RTL9: variants seen among roughly 807,000 people sequenced by gnomAD.
RTL9 encodes retrotransposon Gag-like protein 9.
In RTL9, 19 loss-of-function variants were observed where a neutral mutation model predicts 44.7. The observed-to-expected ratio is 0.42, with a 90% CI of 0.30 to 0.62. The LOEUF is 0.62. Ranked by LOEUF, RTL9 falls within the 20% of genes least tolerant of loss-of-function variation. The pLI is 0.16. For missense variants in RTL9, 1,105 were observed against 1,080.6 expected (o/e 1.02, Z -0.32); for synonymous variants, 407 against 398.9 (o/e 1.02, Z -0.24).
At chrX:110,398,579 G>C (rs1271837439) in intron 1 of RTL9, among the ~76,000 whole-genome samples, 2 of 112,177 alleles carry the variant, frequency 1.8e-5, no homozygotes, top group Non-Finnish European at 3.8e-5. Flanking sequence ...CTGGGGCTCA[G>C]AGAGGTTAGT....
At chrX:110,424,059 C>G (rs892295556) in intron 1 of RTL9, among the ~76,000 whole-genome samples, 1 of 111,612 alleles carries the variant, frequency 9.0e-6, no homozygotes, top group Non-Finnish European at 1.9e-5. Flanking sequence ...TTATTTCATC[C>G]TCACCACAAA....
At chrX:110,390,257 G>T (rs1367184273) in intron 1 of RTL9, among the ~76,000 whole-genome samples, 2 of 111,898 alleles carry the variant, frequency 1.8e-5, no homozygotes, top group Non-Finnish European at 3.8e-5. Context: ...GATCCATGAT[G>T]AAATCATATT....
intron 1 of RTL9, among the ~76,000 whole-genome samples, chrX:110,409,087 G>T (rs772261523): frequency 8.9e-6 from 1 of 111,757 alleles, no homozygotes; most frequent in African/African-American, 3.2e-5. Context: ...TAACTGAGGT[G>T]CTTATAAATA....
chrX:110,453,121 C>T (rs753947038), exon 1 of RTL9: 1 of 1,211,436 alleles, frequency 8.3e-7, no homozygotes, highest in South Asian at 1.8e-5. Context: ...TCATCCATGC[C>T]ACAAGTGAAG....
chrX:110,377,354 G>C lies in RTL9; in HGVS notation c.-168+18438G>C, dbSNP rs193209854. 5.3e-3 allele frequency among the ~76,000 whole-genome samples: 592 copies of C among 111,649 alleles called. 3 individuals are homozygous for C. The highest frequency in any genetic ancestry group is 0.018 in the African/African-American group (557 of 30,711). The stretch of plus-strand genomic sequence containing the variant: ...AAAATTCCGTGAAATGGCCAGAATA[G>C]CGAAACACCGATACCTACAGTCTTC... On this transcript the variant is annotated intron_variant, in intron 1 of 2. Coordinates refer to the RTL9 transcript ENST00000520821.
At chrX:110,415,061 G>A (rs2068667702), upstream of RTL9, among the ~76,000 whole-genome samples, 1 of 111,966 alleles carries the variant, frequency 8.9e-6, no homozygotes, top group South Asian at 3.8e-4. Context: ...GTTTATCCCA[G>A]TGTGTTATAA....
At chrX:110,360,269 A>G (rs1405193298) in intron 1 of RTL9, among the ~76,000 whole-genome samples, 13 of 112,067 alleles carry the variant, frequency 1.2e-4, no homozygotes, top group Non-Finnish European at 1.9e-4. Context: ...GCCATAGTAG[A>G]TACCATTGGA....
chrX:110,377,659 A>G (rs752052850), intron 1 of RTL9, among the ~76,000 whole-genome samples: 1 of 111,521 alleles, frequency 9.0e-6, no homozygotes, highest in African/African-American at 3.3e-5. Context: ...GGCTGCTATC[A>G]TAACTTCTGT....
chrX:110,451,506 C>T, exon 1 of RTL9: 2 of 1,212,009 alleles, frequency 1.7e-6, no homozygotes, highest in Non-Finnish European at 2.2e-6. Flanking sequence ...AATACCTACC[C>T]CGCTCATGTC....
rs926055208 is a variant in RTL9, at chrX:110,362,643, T to C, written c.-168+3727T>C. 2.7e-5 allele frequency among the ~76,000 whole-genome samples: 3 copies of C among 111,994 alleles called. No individual in the cohort carries two copies. The Admixed American group carries it at 2.9e-4, about 11-fold the overall frequency. ...TTCAGCTTTCATGTACTCCTAATGG[T>C]AAGAATCACATGGTAGGAAATATGA... On this transcript the variant is annotated intron_variant, in intron 1 of 2. Transcript: ENST00000520821.
intron 1 of RTL9, among the ~76,000 whole-genome samples, chrX:110,367,455 C>T (rs1431040596): frequency 9.1e-6 from 1 of 110,054 alleles, no homozygotes; most frequent in Non-Finnish European, 1.9e-5. Context: ...CTTTTTTTTT[C>T]GCCCAACAGC....
At chrX:110,425,973 C>T (rs1017896093) in intron 1 of RTL9, among the ~76,000 whole-genome samples, 4 of 110,379 alleles carry the variant, frequency 3.6e-5, no homozygotes, top group Non-Finnish European at 7.5e-5. Flanking sequence ...TTAGTGCGTG[C>T]GTGCGCGCAC....
At chrX:110,443,173 G>T (rs2068891859) in intron 1 of RTL9, among the ~76,000 whole-genome samples, 1 of 111,973 alleles carries the variant, frequency 8.9e-6, no homozygotes, top group Non-Finnish European at 1.9e-5. Context: ...CTGTTTTACA[G>T]ATGAGGAAAC....
At chrX:110,452,940 T>G in exon 1 of RTL9, 1 of 1,211,027 alleles carries the variant, frequency 8.3e-7, no homozygotes, top group Non-Finnish European at 1.1e-6. Flanking sequence ...AATGAGAACC[T>G]CAGACCCTGG....
At chrX:110,454,037 C>G in exon 1 of RTL9, 1 of 1,212,139 alleles carries the variant, frequency 8.2e-7, no homozygotes, top group East Asian at 3.0e-5. Flanking sequence ...AAGTGCCATC[C>G]TTCGGAATGT....
chrX:110,388,532 T>G (rs191763092), intron 1 of RTL9, among the ~76,000 whole-genome samples: 1 of 111,798 alleles, frequency 8.9e-6, no homozygotes, highest in African/African-American at 3.3e-5. Flanking sequence ...GTTTTCTGAA[T>G]GTTAAGAGGA....
chrX:110,379,860 G>A (rs2068406352), intron 1 of RTL9, among the ~76,000 whole-genome samples: 1 of 112,008 alleles, frequency 8.9e-6, no homozygotes, highest in South Asian at 3.7e-4. Flanking sequence ...AACTTATTGA[G>A]CATCTACCAT....
chrX:110,383,202 T>A (rs1441441042), intron 1 of RTL9, among the ~76,000 whole-genome samples: 1 of 111,409 alleles, frequency 9.0e-6, no homozygotes, highest in Non-Finnish European at 1.9e-5. Context: ...TCTGTCCCTT[T>A]CTCAGTTGAA....
At chrX:110,398,059 C>T (rs759936006) in intron 1 of RTL9, among the ~76,000 whole-genome samples, 1 of 112,229 alleles carries the variant, frequency 8.9e-6, no homozygotes, top group East Asian at 2.8e-4. Flanking sequence ...TGCTCCATCC[C>T]TCCTCCTCCC....
Sources: allele counts gnomAD v4.1 joint callset (sites outside exome capture counted in the v4.1 genomes callset), GRCh38; gene constraint gnomAD v4.1.1; transcripts MANE v1.5; gene names NCBI Gene and HGNC (gene_info 2026-07-23, HGNC 2026-07-21).